Variants in PALM2AKAP2 observed in about 807,000 individuals in gnomAD.
PALM2AKAP2 encodes PALM2 and AKAP2 fusion.
A neutral mutation model predicts 71.5 loss-of-function variants in PALM2AKAP2; 37 were observed. The ratio of observed to expected loss-of-function variants is 0.52; its 90% CI spans 0.40 to 0.68. The LOEUF (loss-of-function observed/expected upper bound fraction) is 0.68. Ranked by LOEUF, PALM2AKAP2 falls within the 30% of genes least tolerant of loss-of-function variation. The probability of loss-of-function intolerance (pLI) is 0.00; values close to 1 mark genes in which losing one functional copy is unlikely to be tolerated. For missense variants in PALM2AKAP2, 1,224 were observed against 1,191.8 expected (o/e 1.03, Z -0.40); for synonymous variants, 468 against 478.8 (o/e 0.98, Z 0.29).
At chr9:110,004,411 C>A (rs1381123949) in intron 6 of PALM2AKAP2, among the ~76,000 whole-genome samples, 3 of 152,204 alleles carry the variant, frequency 2.0e-5, no homozygotes, top group South Asian at 2.1e-4. Flanking sequence ...TGTTAGTCTG[C>A]TGGGCTTCCC....
intron 6 of PALM2AKAP2, among the ~76,000 whole-genome samples, chr9:109,997,024 A>G (rs1383062497): frequency 6.6e-6 from 1 of 152,106 alleles, no homozygotes; most frequent in Non-Finnish European, 1.5e-5. Context: ...CCCCATCTCT[A>G]CTAAAAATAC....
At chr9:109,877,418 C>T (rs1829744562) in intron 2 of PALM2AKAP2, among the ~76,000 whole-genome samples, 1 of 152,032 alleles carries the variant, frequency 6.6e-6, no homozygotes, top group Non-Finnish European at 1.5e-5. Context: ...TCCTAGCCTT[C>T]CAGGAACCAG....
At chr9:110,011,572 T>C (rs1832885539) in intron 6 of PALM2AKAP2, among the ~76,000 whole-genome samples, 1 of 152,188 alleles carries the variant, frequency 6.6e-6, no homozygotes, top group Non-Finnish European at 1.5e-5. Context: ...GTTGGCAGAA[T>C]GGAAATCATT....
At chr9:109,975,071 C>CAA (rs2132169599) in intron 6 of PALM2AKAP2, among the ~76,000 whole-genome samples, 1 of 152,264 alleles carries the variant, frequency 6.6e-6, no homozygotes, top group Admixed American at 6.5e-5. Flanking sequence ...CACACACACA[C>CAA]ACACACACAC....
At chr9:109,946,352 TG>T (rs899033569) in intron 6 of PALM2AKAP2, 2 of 152,148 alleles carry the variant, frequency 1.3e-5, no homozygotes, top group African/African-American at 4.8e-5. Flanking sequence ...TGCAAAACCA[TG>T]ATCTTTTTTG....
At chr9:109,858,775 T>A (rs1829236182) in intron 1 of PALM2AKAP2, among the ~76,000 whole-genome samples, 1 of 152,126 alleles carries the variant, frequency 6.6e-6, no homozygotes, top group African/African-American at 2.4e-5. Context: ...ATAAAGCGGG[T>A]CTTACTTTCT....
At chr9:110,167,964 T>G (rs1373125410) in intron 3 of PALM2AKAP2, among the ~76,000 whole-genome samples, 1 of 152,234 alleles carries the variant, frequency 6.6e-6, no homozygotes, top group Non-Finnish European at 1.5e-5. Context: ...TCAGCCACAC[T>G]AGCCCTATTT....
At chr9:109,967,962 T>C (rs1285597051) in intron 6 of PALM2AKAP2, among the ~76,000 whole-genome samples, 1 of 152,242 alleles carries the variant, frequency 6.6e-6, no homozygotes, top group Non-Finnish European at 1.5e-5. Context: ...CATAAGCTTC[T>C]TGAAAGCAAG....
chr9:109,644,124 G>A (rs983544800), intron 1 of PALM2AKAP2, among the ~76,000 whole-genome samples: 6 of 152,158 alleles, frequency 3.9e-5, no homozygotes, highest in African/African-American at 1.4e-4. Flanking sequence ...CAGGCCCCAT[G>A]TACAACACTG....
At position 110,116,421 on chromosome 9, in the gene PALM2AKAP2, C is replaced by T. The variant is rs111355310; in HGVS notation, c.157-19706C>T. ...GTGTGCGTGTGCGTGTGCGCGTGCA[C>T]GCGCACCTTGTAGGTAGGTGAGGAG... On this transcript the variant is annotated intron_variant, in intron 1 of 3. Transcript: ENST00000374525. 4.0e-3 allele frequency among the ~76,000 whole-genome samples: 605 copies of T among 152,150 alleles called. 8 individuals carry two copies. The highest frequency in any genetic ancestry group is 0.013 in the African/African-American group (551 of 41,494).
intron 1 of PALM2AKAP2, among the ~76,000 whole-genome samples, chr9:110,128,597 A>G (rs1257892034): frequency 6.6e-6 from 1 of 152,244 alleles, no homozygotes; most frequent in Non-Finnish European, 1.5e-5. Context: ...GGGTTATTCA[A>G]AGCAGAGAAA....
chr9:109,864,481 A>C (rs1269006331), intron 1 of PALM2AKAP2, among the ~76,000 whole-genome samples: 1 of 152,192 alleles, frequency 6.6e-6, no homozygotes, highest in African/African-American at 2.4e-5. Context: ...CTAAGCTAGG[A>C]GGCTTGTTAG....
chr9:109,861,891 A>G (rs1829320604), intron 1 of PALM2AKAP2, among the ~76,000 whole-genome samples: 1 of 152,210 alleles, frequency 6.6e-6, no homozygotes. Context: ...TTCGTAATTC[A>G]TTTGAATGAG....
chr9:109,790,532 A>G (rs535521980), intron 1 of PALM2AKAP2, among the ~76,000 whole-genome samples: 1 of 152,200 alleles, frequency 6.6e-6, no homozygotes, highest in East Asian at 1.9e-4. Context: ...AATGTCGACA[A>G]CTTTGAGGCC....
At chr9:110,120,698 T>G (rs1194404700) in intron 1 of PALM2AKAP2, among the ~76,000 whole-genome samples, 1 of 152,206 alleles carries the variant, frequency 6.6e-6, no homozygotes, top group Non-Finnish European at 1.5e-5. Flanking sequence ...AGAGACAAGG[T>G]TTCACCATGT....
chr9:109,978,366 C>T (rs1017915129), intron 6 of PALM2AKAP2, among the ~76,000 whole-genome samples: 2 of 152,066 alleles, frequency 1.3e-5, no homozygotes, highest in Non-Finnish European at 2.9e-5. Flanking sequence ...TCTATTCACC[C>T]CCACCCCCAA....
At chr9:109,729,339 C>G (rs1464359598) in intron 1 of PALM2AKAP2, among the ~76,000 whole-genome samples, 1 of 152,170 alleles carries the variant, frequency 6.6e-6, no homozygotes, top group African/African-American at 2.4e-5. Flanking sequence ...ACATTTAAAA[C>G]CGCTGATTAA....
At chr9:109,689,878 A>G (rs1247419885) in intron 1 of PALM2AKAP2, among the ~76,000 whole-genome samples, 1 of 152,184 alleles carries the variant, frequency 6.6e-6, no homozygotes, top group Non-Finnish European at 1.5e-5. Flanking sequence ...TGTTAAATTT[A>G]TGTCACCAAG....
chr9:110,084,991 C>T (rs1396074883), intron 1 of PALM2AKAP2, among the ~76,000 whole-genome samples: 3 of 152,068 alleles, frequency 2.0e-5, no homozygotes, highest in Admixed American at 6.5e-5. Context: ...CTGCCTGCCT[C>T]GGCCTCTCAA....
Sources: gnomAD v4.1 joint callset for allele counts (sites outside exome capture counted in the v4.1 genomes callset) on GRCh38, gnomAD v4.1.1 for gene constraint, MANE v1.5 for transcripts, NCBI Gene and HGNC (gene_info 2026-07-23, HGNC 2026-07-21) for gene names.